PTK7: variants seen among roughly 807,000 people sequenced by gnomAD.
PTK7 encodes inactive tyrosine-protein kinase 7.
In PTK7, 39 loss-of-function variants were observed where a neutral mutation model predicts 116.6. That is an observed-to-expected ratio of 0.33 (90% CI 0.26 to 0.44). PTK7 has a LOEUF of 0.44. Among genes scored for constraint, PTK7 ranks in the 20% least tolerant of loss-of-function variants. The pLI is 1.00. For missense variants in PTK7, 1,169 were observed against 1,425.6 expected (o/e 0.82, Z 2.90); for synonymous variants, 546 against 563.6 (o/e 0.97, Z 0.44).
intron 15 of PTK7, chr6:43,144,855 A>T (rs571120964): frequency 3.5e-5 from 12 of 344,434 alleles, no homozygotes; most frequent in Non-Finnish European, 5.2e-5. Flanking sequence ...TTGACTCTTT[A>T]AAAAAAAAAA....
intron 7 of PTK7, among the ~76,000 whole-genome samples, chr6:43,136,563 C>A (rs1390731661): frequency 2.0e-5 from 3 of 152,258 alleles, no homozygotes; most frequent in African/African-American, 7.2e-5. Flanking sequence ...CCTTAGTTCT[C>A]CTCCACATGG....
intron 1 of PTK7, among the ~76,000 whole-genome samples, chr6:43,095,197 TAA>T (rs34914497): frequency 2.2e-3 from 193 of 89,014 alleles, no homozygotes; most frequent in Middle Eastern, 0.012. Flanking sequence ...CAGTCTCTAC[TAA>T]AAAAAAAAAA....
intron 17 of PTK7, among the ~76,000 whole-genome samples, chr6:43,152,234 A>G (rs1771160158): frequency 6.6e-6 from 1 of 150,770 alleles, no homozygotes; most frequent in African/African-American, 2.4e-5. Context: ...ACTGTTGATA[A>G]AGAAATGTAC....
intron 7 of PTK7, among the ~76,000 whole-genome samples, chr6:43,134,013 A>G (rs1395135921): frequency 1.3e-5 from 2 of 152,162 alleles, no homozygotes; most frequent in East Asian, 3.8e-4. Context: ...TTGAGGTCTG[A>G]GAATCACCTG....
chr6:43,110,489 TGCAACCTCC>T (rs985403154), intron 1 of PTK7, among the ~76,000 whole-genome samples: 3 of 151,856 alleles, frequency 2.0e-5, no homozygotes, highest in African/African-American at 7.3e-5. Flanking sequence ...CTTGGCTCAC[TGCAACCTCC>T]GCCTCTGGGT....
chr6:43,084,961 C>A (rs538285157), intron 1 of PTK7, among the ~76,000 whole-genome samples: 1 of 152,114 alleles, frequency 6.6e-6, no homozygotes, highest in Non-Finnish European at 1.5e-5. Flanking sequence ...CACATGGCAG[C>A]CACAAGTGAT....
At chr6:43,149,496 G>A (rs1031899856) in intron 17 of PTK7, among the ~76,000 whole-genome samples, 8 of 152,236 alleles carry the variant, frequency 5.3e-5, no homozygotes, top group South Asian at 2.1e-4. Flanking sequence ...GCTCATTAAA[G>A]TTCAAGGAGC....
At chr6:43,101,006 G>A (rs575603517) in intron 1 of PTK7, among the ~76,000 whole-genome samples, 2 of 152,142 alleles carry the variant, frequency 1.3e-5, no homozygotes, top group South Asian at 4.1e-4. Context: ...GCCGAGGCGG[G>A]CAGATCACTT....
At chr6:43,119,534 T>C (rs184476521) in intron 1 of PTK7, among the ~76,000 whole-genome samples, 97 of 152,182 alleles carry the variant, frequency 6.4e-4, no homozygotes, top group Non-Finnish European at 1.1e-3. Flanking sequence ...TGGAAGCACT[T>C]TGGGTCCGAA....
chr6:43,118,620 CCTCTCTCTCTCTCT>C (rs1170818291), intron 1 of PTK7, among the ~76,000 whole-genome samples: 71 of 63,364 alleles, frequency 1.1e-3, no homozygotes, highest in African/African-American at 3.2e-3. Context: ...AATATTTTAA[CCTCTCTCTCTCTCT>C]CTCTCTCTCT....
intron 7 of PTK7, among the ~76,000 whole-genome samples, chr6:43,137,708 A>G (rs1433298171): frequency 1.3e-5 from 2 of 152,234 alleles, no homozygotes. Flanking sequence ...TAAGAAGAAC[A>G]AGGGTTTCAG....
intron 1 of PTK7, among the ~76,000 whole-genome samples, chr6:43,108,739 T>G (rs1051827147): frequency 6.6e-6 from 1 of 152,242 alleles, no homozygotes; most frequent in South Asian, 2.1e-4. Context: ...ATGTAGAGGC[T>G]TCATCAAGTT....
intron 1 of PTK7, among the ~76,000 whole-genome samples, chr6:43,077,945 G>T (rs1026239250): frequency 6.6e-6 from 1 of 152,212 alleles, no homozygotes; most frequent in Non-Finnish European, 1.5e-5. Context: ...GGTGGTTATT[G>T]CTCGTGGCAG....
At chr6:43,092,469 A>ATGAAAC in intron 1 of PTK7, among the ~76,000 whole-genome samples, 1 of 152,204 alleles carries the variant, frequency 6.6e-6, no homozygotes, top group South Asian at 2.1e-4. Context: ...TAATGTATAA[A>ATGAAAC]TGAAACTTTA....
rs1387436873 is a variant in PTK7, at chr6:43,141,724, C to T, written c.1675C>T (p.Arg559Trp). The T allele has an allele frequency of 3.1e-6, 5 of 1,613,992 alleles. No individual in the cohort carries two copies. Among genetic ancestry groups the T allele is most frequent in the Non-Finnish European group, 3.4e-6 (4 of 1,180,018 alleles). Residue 559 changes from arginine (R) to tryptophan (W), a missense_variant, in exon 11 of 20, where the codon CGG (arginine) becomes TGG (tryptophan). Physicochemically the swap from Arg to Trp is moderately radical, Grantham distance 101. This residue lies in a region of PTK7 where 678 missense variants were observed against 853.8 expected (regional missense o/e 0.79). Transcript: ENST00000230419. This position sits in a 1 kb window ranked among gnomAD's most constrained non-coding sequence, Gnocchi z 4.9. ...CAACGCTGGGACCCTGCATTTTGCC[C>T]GGGTGACTCGAGATGACGCTGGCAA... is the stretch of plus-strand genomic sequence containing the variant. ...TDNAGTLHFA[R>W]VTRDDAGNYT...
chr6:43,147,785 C>T (rs1338825053), intron 17 of PTK7, among the ~76,000 whole-genome samples: 2 of 152,182 alleles, frequency 1.3e-5, no homozygotes, highest in African/African-American at 2.4e-5. Context: ...CACCTGACAC[C>T]ACACCCCTAC....
At chr6:43,121,369 T>TA (rs531891406) in intron 1 of PTK7, among the ~76,000 whole-genome samples, 286 of 152,302 alleles carry the variant, frequency 1.9e-3, no homozygotes, top group African/African-American at 6.3e-3. Context: ...GTGATCCTGT[T>TA]CTGTTTCTCT....
intron 18 of PTK7, 78 bp downstream of exon 18, chr6:43,159,046 G>T (rs1771681428): frequency 3.2e-6 from 5 of 1,562,896 alleles, no homozygotes; most frequent in Non-Finnish European, 4.4e-6. Flanking sequence ...AGTTTGGGGG[G>T]TGTGGGAAAG....
intron 1 of PTK7, among the ~76,000 whole-genome samples, chr6:43,099,235 CTTTTTTT>C (rs11375658): frequency 1.5e-5 from 2 of 137,010 alleles, no homozygotes; most frequent in Non-Finnish European, 3.2e-5. Flanking sequence ...ACTATTTTTC[CTTTTTTT>C]TTTTTTTTGA....
Sources: gnomAD v4.1 joint callset for allele counts (sites outside exome capture counted in the v4.1 genomes callset) on GRCh38, gnomAD v4.1.1 for gene constraint, gnomAD v4.1.1 regional missense constraint, Gnocchi (gnomAD v3.1) non-coding constraint, MANE v1.5 for transcripts, NCBI Gene and HGNC (gene_info 2026-07-23, HGNC 2026-07-21) for gene names.